CHRD: variants seen among roughly 807,000 people sequenced by gnomAD.
The protein encoded by CHRD is chordin.
Under a neutral mutation model 113.7 loss-of-function variants are expected in CHRD, and 69 were observed. That is an observed-to-expected ratio of 0.61 (90% CI 0.50 to 0.74). CHRD has a LOEUF of 0.74. CHRD is among the 30% of genes least tolerant of loss of function. CHRD has a pLI of 0.00. For synonymous variants in CHRD, 561 were observed against 540.8 expected (o/e 1.04, Z -0.52); for missense variants, 1,194 against 1,295.8 (o/e 0.92, Z 1.21).
At chr3:184,383,805 T>A (rs1017143087) in intron 12 of CHRD, among the ~76,000 whole-genome samples, 163 bp downstream of exon 12, 1 of 135,836 alleles carries the variant, frequency 7.4e-6, no homozygotes, top group African/African-American at 2.8e-5. Flanking sequence ...TGAGATGGAG[T>A]CTGGCTCTGT....
intron 22 of CHRD, 105 bp from the exon 23 acceptor site, chr3:184,389,262 C>A: frequency 9.6e-7 from 1 of 1,040,688 alleles, no homozygotes; most frequent in South Asian, 1.4e-5. Flanking sequence ...AAAATACTGG[C>A]CTTTCTGGGA....
Position 184,387,601 on chromosome 3 carries a change from A to C in CHRD, c.2451+124A>C. ...GCTCAAGAATCAAAACGATATGAGA[A>C]AAGGCCCTTGCGCTCTGAGAGTCGG... is the stretch of plus-strand genomic sequence containing the variant. On this transcript the variant is annotated intron_variant, in intron 19 of 22. Transcript: ENST00000204604. This position sits in a 1 kb window ranked among gnomAD's most constrained non-coding sequence, Gnocchi z 6.1. The C allele has an allele frequency of 3.3e-6, 3 of 906,330 alleles. No homozygotes were observed. Among genetic ancestry groups the C allele is most frequent in the Non-Finnish European group, 3.3e-6 (2 of 613,376 alleles). The allele number at this position is 906,330 out of a possible 1,614,324, so 56.1% of individuals were successfully genotyped here.
chr3:184,383,512 C>G lies in CHRD; in HGVS notation c.1321-11C>G, dbSNP rs199641997. 6.3e-5 allele frequency: 102 copies of G among 1,613,818 alleles called. No homozygotes were observed. In the African/African-American group the frequency reaches 1.2e-3, roughly 19 times the overall value. ...CTCTCCACTTTGCCCTCCTCCATCCCTGCCCATCAGGTGCAAGTGGTAGGG... is the reference window on the plus strand; with the variant it reads ...CTCTCCACTTTGCCCTCCTCCATCCGTGCCCATCAGGTGCAAGTGGTAGGG... On this transcript the variant is annotated splice_polypyrimidine_tract_variant and intron_variant, in intron 11 of 22. Transcript: ENST00000204604.
Position 184,381,474 on chromosome 3 carries a change from G to A in CHRD, c.383-22G>A, listed in dbSNP as rs1421044180. On this transcript the variant is annotated intron_variant, in intron 3 of 22. Transcript: ENST00000204604. The surrounding 1 kb of genome is among the most constrained non-coding windows in gnomAD (Gnocchi z 4.7). ...TTTCCCATGGCCAGCTGAAGCCCGT[G>A]TTCTTACCCCCCCGCCCGCAGAGCG... 1 of 1,587,900 alleles carries A rather than the reference G, an allele frequency of 6.3e-7. No individual in the cohort carries two copies. The highest frequency in any genetic ancestry group is 8.6e-7 in the Non-Finnish European group (1 of 1,167,810).
Position 184,388,899 on chromosome 3 carries a change from G to A in CHRD, c.2716G>A (p.Val906Met). ...CTGCTCTGTCTTGTACCAGGCAGGG[G>A]TGCCTCACTGTGAGCGGGATGACTG... The change falls in exon 22 of 23, where the codon GTG (valine) becomes ATG (methionine). Residue 906 changes from valine to methionine, a missense_variant. By Grantham distance (21) the Val-to-Met change is conservative (BLOSUM62 1). Transcript: ENST00000204604. The surrounding 1 kb of genome is among the most constrained non-coding windows in gnomAD (Gnocchi z 6.1). 1.2e-6 allele frequency: 2 copies of A among 1,612,796 alleles called. No individual in the cohort carries two copies. Among genetic ancestry groups the A allele is most frequent in the Non-Finnish European group, 8.5e-7 (1 of 1,179,466 alleles).
rs1223316323 is a variant in CHRD, at chr3:184,381,492, G to T, written c.383-4G>T. ...AGCCCGTGTTCTTACCCCCCCGCCC[G>T]CAGAGCGCAGCAGTTCGGAGCGGCA... On this transcript the variant is annotated splice_polypyrimidine_tract_variant and splice_region_variant and intron_variant, in intron 3 of 22. Coordinates refer to ENST00000204604, the Ensembl canonical transcript of CHRD. The surrounding 1 kb of genome is among the most constrained non-coding windows in gnomAD (Gnocchi z 4.7). The T allele has an allele frequency of 2.5e-6, 4 of 1,586,928 alleles. No homozygotes were observed. In the Admixed American group the frequency reaches 7.0e-5, roughly 28 times the overall value.
chr3:184,388,387 GCATC>G lies in CHRD; in HGVS notation c.2555-158_2555-155del, dbSNP rs61133846. Among the ~76,000 whole-genome samples the G allele has an allele frequency of 0.17, 25,450 of 145,966 alleles. 2,921 individuals carry two copies. Among genetic ancestry groups the G allele is most frequent in the African/African-American group, 0.33 (13,155 of 39,484 alleles). On this transcript the variant is annotated intron_variant, in intron 20 of 22. Transcript: ENST00000204604. The surrounding 1 kb of genome is among the most constrained non-coding windows in gnomAD (Gnocchi z 6.1). ...TCCATCCACCCATCCACCCATTGAT[GCATC>G]CATCCATCCATCCATCCATCCATCC...
rs762238058 is a variant in CHRD, at chr3:184,384,524, C to T, written c.1441-13C>T. The T allele has an allele frequency of 1.3e-6, 2 of 1,508,954 alleles. No homozygotes were observed. The highest frequency in any genetic ancestry group is 2.7e-5 in the South Asian group (2 of 74,254). The allele number at this position is 1,508,954 out of a possible 1,614,324, so 93.5% of individuals were successfully genotyped here. Reference sequence around the variant, plus strand: ...TGTGAGAGCTGAGAAGGCCTATCCTCCCCTGCCCCCAGGCCGTGGGTATCT... The same window carrying T: ...TGTGAGAGCTGAGAAGGCCTATCCTTCCCTGCCCCCAGGCCGTGGGTATCT... On this transcript the variant is annotated splice_polypyrimidine_tract_variant and intron_variant, in intron 12 of 22. Transcript: ENST00000204604. This position sits in a 1 kb window ranked among gnomAD's most constrained non-coding sequence, Gnocchi z 4.4.
chr3:184,380,806 C>T lies in CHRD; in HGVS notation c.252+11C>T. On this transcript the variant is annotated intron_variant, in intron 2 of 22. Transcript: ENST00000204604. The surrounding 1 kb of genome is among the most constrained non-coding windows in gnomAD (Gnocchi z 6.3). ...TGCGCCTGCGAGGCGGTGAGTGCACCCCGCGGCCGGCCCGGGCCCTGGCGG... is the reference window on the plus strand; with the variant it reads ...TGCGCCTGCGAGGCGGTGAGTGCACTCCGCGGCCGGCCCGGGCCCTGGCGG... 6 of 1,573,640 alleles carry T rather than the reference C, an allele frequency of 3.8e-6. No homozygotes were observed. The highest frequency in any genetic ancestry group is 5.1e-6 in the Non-Finnish European group (6 of 1,166,346).
rs1715455153 is a variant in CHRD at position 184,381,674 on chromosome 3, GC to G, written c.512-41del. Reference sequence around the variant, plus strand: ...TTGTGGTTGAGGCTGGGCCACCAAAGCGGCGTTTGACAGTGCTCAGGCCATC... The same window carrying G: ...TTGTGGTTGAGGCTGGGCCACCAAAGGGCGTTTGACAGTGCTCAGGCCATC... On this transcript the variant is annotated intron_variant, in intron 4 of 22. Coordinates refer to ENST00000204604, the Ensembl canonical transcript of CHRD. This position sits in a 1 kb window ranked among gnomAD's most constrained non-coding sequence, Gnocchi z 4.7. The G allele has an allele frequency of 6.2e-7, 1 of 1,606,670 alleles. No homozygotes were observed. The highest frequency in any genetic ancestry group is 1.3e-5 in the African/African-American group (1 of 74,858).
chr3:184,386,243 C>T, intron 15 of CHRD, 84 bp downstream of exon 15: 1 of 1,438,592 alleles, frequency 7.0e-7, no homozygotes, highest in East Asian at 2.3e-5. Context: ...TAGTCACTTG[C>T]TGTCTCTGAG....
chr3:184,383,716 G>A, intron 12 of CHRD, 74 bp downstream of exon 12: 3 of 1,441,156 alleles, frequency 2.1e-6, no homozygotes, highest in Non-Finnish European at 1.9e-6. Flanking sequence ...GATGAGCAGG[G>A]ATGTTCATTA....
In CHRD at chr3:184,387,262, C is replaced by A. The variant is rs974487494; in HGVS notation, c.2348-112C>A. The A allele has an allele frequency of 7.4e-7, 1 of 1,350,544 alleles. No individual in the cohort carries two copies. The highest frequency in any genetic ancestry group is 1.0e-6 in the Non-Finnish European group (1 of 972,612). The allele number at this position is 1,350,544 out of a possible 1,614,324, so 83.7% of individuals were successfully genotyped here. ...AGGACTCATTAGTGTTACTGGCCCC[C>A]AGGTGGGCCCTTGGCTTAGGCTCGT... On this transcript the variant is annotated intron_variant, in intron 18 of 22. Coordinates refer to ENST00000204604, the Ensembl canonical transcript of CHRD. The surrounding 1 kb of genome is among the most constrained non-coding windows in gnomAD (Gnocchi z 6.1).
chr3:184,386,404 C>G, intron 15 of CHRD, 88 bp from the exon 16 acceptor site: 2 of 1,498,550 alleles, frequency 1.3e-6, no homozygotes, highest in Non-Finnish European at 1.8e-6. Flanking sequence ...CTCAGGGGGC[C>G]GAGGTGTCTC....
rs763820264 is a variant in CHRD, at chr3:184,381,638, G to T, written c.511+14G>T. 3.1e-6 allele frequency: 5 copies of T among 1,603,716 alleles called. No homozygotes were observed. The highest frequency in any genetic ancestry group is 2.2e-5 in the East Asian group (1 of 44,618). ...ACGGCCACACGGGTAGGGGGCTGGC[G>T]AACAGCGGGGTTGTGGTTGAGGCTG... On this transcript the variant is annotated intron_variant, in intron 4 of 22. Transcript: ENST00000204604. This position sits in a 1 kb window ranked among gnomAD's most constrained non-coding sequence, Gnocchi z 4.7.
rs751048699 is a variant in CHRD at position 184,385,246 on chromosome 3, T to G, written c.1818+8T>G. Reference sequence around the variant, plus strand: ...GGATTCTATGGCTCAGAGGTAAGGATGTGATGGTAGGCGGCAGCTTGGAAC... The same window carrying G: ...GGATTCTATGGCTCAGAGGTAAGGAGGTGATGGTAGGCGGCAGCTTGGAAC... On this transcript the variant is annotated splice_region_variant and intron_variant, in intron 14 of 22. Coordinates refer to ENST00000204604, the Ensembl canonical transcript of CHRD. 3.1e-6 allele frequency: 5 copies of G among 1,603,630 alleles called. No individual in the cohort carries two copies. In the African/African-American group the frequency reaches 5.4e-5, roughly 17 times the overall value.
In CHRD at chr3:184,383,678, A is replaced by G. The variant is rs201600840; in HGVS notation, c.1440+36A>G. The G allele has an allele frequency of 2.3e-3, 3,597 of 1,570,910 alleles. 10 individuals are homozygous for G. Among genetic ancestry groups the G allele is most frequent in the Non-Finnish European group, 2.6e-3 (3,046 of 1,157,204 alleles). ...CAGGTGGAGCTGGACCCCAGGGCCC[A>G]ATGCATGGGCTGTGGGAAGCCAGGT... is the stretch of plus-strand genomic sequence containing the variant. On this transcript the variant is annotated intron_variant, in intron 12 of 22. Transcript: ENST00000204604.
Position 184,381,094 on chromosome 3 carries a change from A to G in CHRD, c.253-141A>G. 1 of 956,814 alleles carries G rather than the reference A, an allele frequency of 1.0e-6. No homozygotes were observed. Among genetic ancestry groups the G allele is most frequent in the Non-Finnish European group, 1.7e-6 (1 of 596,526 alleles). 59.3% of individuals were successfully genotyped at this position (956,814 alleles called of 1,614,324 possible). On this transcript the variant is annotated intron_variant, in intron 2 of 22. Transcript: ENST00000204604. This position sits in a 1 kb window ranked among gnomAD's most constrained non-coding sequence, Gnocchi z 4.7. ...TTTCCAGACAGGGACCTTGAGGCCC[A>G]GAGAGATGAAGTAGCTTGTCTAGGG...
intron 11 of CHRD, 44 bp from the exon 12 acceptor site, chr3:184,383,478 CT>C: frequency 1.2e-6 from 2 of 1,613,464 alleles, no homozygotes; most frequent in South Asian, 1.1e-5. Context: ...GGCCCCAGGC[CT>C]TTACTGCCTC....
Sources: gnomAD v4.1 joint callset for allele counts (sites outside exome capture counted in the v4.1 genomes callset) on GRCh38, gnomAD v4.1.1 for gene constraint, Gnocchi (gnomAD v3.1) non-coding constraint, MANE v1.5 for transcripts, NCBI Gene and HGNC (gene_info 2026-07-23, HGNC 2026-07-21) for gene names.